The following PTK2 variants were observed in gnomAD, a reference collection of about 807,000 sequenced individuals.
The protein encoded by PTK2 is protein tyrosine kinase 2, also known as focal adhesion kinase 1.
Under a neutral mutation model 150.1 loss-of-function variants are expected in PTK2, and 45 were observed. The observed-to-expected ratio is 0.30, with a 90% CI of 0.24 to 0.38. The LOEUF (loss-of-function observed/expected upper bound fraction) is 0.38. PTK2 is among the 10% of genes least tolerant of loss of function. The probability of loss-of-function intolerance (pLI) is 1.00; values close to 1 mark genes in which losing one functional copy is unlikely to be tolerated. For synonymous variants in PTK2, 432 were observed against 449.2 expected (o/e 0.96, Z 0.48); for missense variants, 919 against 1,307.3 (o/e 0.70, Z 4.58).
Position 140,875,687 on chromosome 8 carries a change from C to G in PTK2, c.362+3784G>C, listed in dbSNP as rs151231130. Among the ~76,000 whole-genome samples, 786 of 152,310 alleles carry G rather than the reference C, an allele frequency of 5.2e-3. 8 individuals carry two copies. The highest frequency in any genetic ancestry group is 0.018 in the African/African-American group (751 of 41,562). On this transcript the variant is annotated intron_variant, in intron 4 of 31. Coordinates refer to ENST00000522684, the Ensembl canonical transcript of PTK2. ...CCTGTACAACTGTTTCTCACAACTT[C>G]TATTATTATTCCCCTACTGCACCAT... is the stretch of plus-strand genomic sequence containing the variant.
chr8:140,701,886 G>A (rs1190093877), intron 25 of PTK2, among the ~76,000 whole-genome samples: 1 of 151,974 alleles, frequency 6.6e-6, no homozygotes, highest in Admixed American at 6.6e-5. Context: ...CAGCACTTTG[G>A]GAGGGTGAGG....
intron 22 of PTK2, among the ~76,000 whole-genome samples, chr8:140,719,690 C>T (rs773038042): frequency 6.6e-6 from 1 of 152,018 alleles, no homozygotes. Context: ...ATGCACGTGA[C>T]GAGGTCTTTG....
At chr8:140,779,484 C>T (rs1488634331) in intron 14 of PTK2, among the ~76,000 whole-genome samples, 1 of 152,070 alleles carries the variant, frequency 6.6e-6, no homozygotes, top group Non-Finnish European at 1.5e-5. Context: ...TACCTCATCT[C>T]CAGTCCTAGT....
chr8:140,691,739 G>C (rs1449149706), intron 26 of PTK2, among the ~76,000 whole-genome samples: 3 of 152,226 alleles, frequency 2.0e-5, no homozygotes, highest in African/African-American at 7.2e-5. Context: ...AAAATAGGCA[G>C]AATAATACCT....
chr8:141,000,126 C>CACACACA (rs1555522723), intron 1 of PTK2, among the ~76,000 whole-genome samples: 18 of 142,744 alleles, frequency 1.3e-4, no homozygotes, highest in Middle Eastern at 3.6e-3. Flanking sequence ...CACACACACA[C>CACACACA]CCCTTCTTCT....
At chr8:140,691,679 G>A (rs1340919291) in intron 26 of PTK2, among the ~76,000 whole-genome samples, 5 of 152,154 alleles carry the variant, frequency 3.3e-5, no homozygotes, top group Non-Finnish European at 7.3e-5. Context: ...GATTGTCCAT[G>A]CCTCTTTGGA....
At chr8:140,912,761 C>G (rs1293788596) in intron 2 of PTK2, among the ~76,000 whole-genome samples, 1 of 151,988 alleles carries the variant, frequency 6.6e-6, no homozygotes, top group African/African-American at 2.4e-5. Flanking sequence ...GAGTTCGAGA[C>G]CAGCCTGGCC....
chr8:140,881,950 G>A (rs975487989), intron 3 of PTK2, among the ~76,000 whole-genome samples: 46 of 151,352 alleles, frequency 3.0e-4, no homozygotes, highest in Non-Finnish European at 1.5e-5. Flanking sequence ...TTCAAAGTGT[G>A]GATCTGAGTG....
chr8:140,669,781 AG>A lies in PTK2; in HGVS notation c.2710-1358del, dbSNP rs938220429. ...AGGAAAAGTTAAAGGAATTTATCAG[AG>A]AAAGGGAAAAAAGAAAAACAATATT... On this transcript the variant is annotated intron_variant, in intron 29 of 31. Coordinates refer to ENST00000522684, the Ensembl canonical transcript of PTK2. The A allele has an allele frequency of 1.1e-5, 17 of 1,510,260 alleles. No individual in the cohort carries two copies. In the African/African-American group the frequency reaches 2.1e-4, roughly 18 times the overall value. 93.6% of individuals were successfully genotyped at this position (1,510,260 alleles called of 1,614,324 possible). A position where few individuals can be genotyped will look rare whatever the true frequency, so the allele number is the denominator to read the frequency against.
chr8:140,854,052 G>A (rs977408268), intron 5 of PTK2, among the ~76,000 whole-genome samples: 49 of 152,278 alleles, frequency 3.2e-4, no homozygotes, highest in African/African-American at 1.0e-3. Flanking sequence ...AGTATGCCCT[G>A]GCACCTCACA....
intron 4 of PTK2, among the ~76,000 whole-genome samples, chr8:140,873,315 G>C (rs1452631592): frequency 1.3e-5 from 2 of 152,204 alleles, no homozygotes; most frequent in Admixed American, 1.3e-4. Flanking sequence ...TTGCCAACTG[G>C]AGGTAGAGTT....
At chr8:140,705,705 A>G (rs545988058) in intron 24 of PTK2, among the ~76,000 whole-genome samples, 18 of 152,220 alleles carry the variant, frequency 1.2e-4, no homozygotes, top group Non-Finnish European at 2.6e-4. Flanking sequence ...CAGGATATCT[A>G]TCTATAAATC....
chr8:140,717,937 A>C, intron 22 of PTK2: 1 of 402,124 alleles, frequency 2.5e-6, no homozygotes, highest in South Asian at 4.3e-5. Context: ...GCCATAGGTA[A>C]GAAAAAGACA....
At chr8:140,719,439 G>T (rs543859229) in intron 22 of PTK2, among the ~76,000 whole-genome samples, 1 of 152,206 alleles carries the variant, frequency 6.6e-6, no homozygotes, top group South Asian at 2.1e-4. Flanking sequence ...GTGGTGCAGG[G>T]AAGTTTGGGG....
chr8:140,910,605 CCAAA>C (rs1033898076), intron 2 of PTK2, among the ~76,000 whole-genome samples: 40 of 152,164 alleles, frequency 2.6e-4, no homozygotes, highest in African/African-American at 6.5e-4. Context: ...TCCTATAACC[CCAAA>C]CAAAGAAATT....
intron 8 of PTK2, among the ~76,000 whole-genome samples, chr8:140,826,273 G>A (rs1319715705): frequency 6.6e-6 from 1 of 152,226 alleles, no homozygotes; most frequent in East Asian, 1.9e-4. Flanking sequence ...AGAAGGGACT[G>A]TCTAGACACC....
chr8:140,735,000 T>C, intron 22 of PTK2: 1 of 536,512 alleles, frequency 1.9e-6, no homozygotes, highest in Non-Finnish European at 3.3e-6. Flanking sequence ...TAAGCCATGC[T>C]AAGTCAGAAG....
At chr8:140,686,493 A>C (rs1477470578) in intron 27 of PTK2, 139 bp downstream of exon 30, 8 of 789,602 alleles carry the variant, frequency 1.0e-5, no homozygotes, top group Admixed American at 2.9e-5. Context: ...AGATTTTCAT[A>C]ATCTTAAAAT....
intron 15 of PTK2, among the ~76,000 whole-genome samples, chr8:140,762,037 G>C (rs781011567): frequency 3.3e-5 from 5 of 151,954 alleles, no homozygotes; most frequent in Admixed American, 2.6e-4. Context: ...TTGGTATTTT[G>C]ATTTATTTCA....
Sources: allele counts gnomAD v4.1 joint callset (sites outside exome capture counted in the v4.1 genomes callset), GRCh38; gene constraint gnomAD v4.1.1; transcripts MANE v1.5; gene names NCBI Gene and HGNC (gene_info 2026-07-23, HGNC 2026-07-21).